The following BTBD9 variants were observed in gnomAD, a reference collection of about 807,000 sequenced individuals.
The protein encoded by BTBD9 is BTB domain containing 9.
Under a neutral mutation model 64.3 loss-of-function variants are expected in BTBD9, and 49 were observed. The observed-to-expected ratio is 0.76, with a 90% confidence interval of 0.61 to 0.97. The LOEUF is 0.97. Among genes scored for constraint, BTBD9 ranks in the 50% least tolerant of loss-of-function variants. BTBD9 has a pLI of 0.00. For missense variants in BTBD9, 598 were observed against 762.1 expected, an observed-to-expected ratio of 0.78 and a Z score of 2.53; for synonymous variants, 260 against 274.7, an observed-to-expected ratio of 0.95 and a Z score of 0.53.
At chr6:38,598,901 G>A (rs1777153925) in intron 1 of BTBD9, among the ~76,000 whole-genome samples, 1 of 152,016 alleles carries the variant, frequency 6.6e-6, no homozygotes. Context: ...TGGGCCACAA[G>A]AGCGAAACTT....
intron 6 of BTBD9, among the ~76,000 whole-genome samples, chr6:38,574,220 T>C (rs928439683): frequency 1.1e-4 from 16 of 152,342 alleles, no homozygotes; most frequent in South Asian, 6.2e-4. Context: ...CTTTGAAGCC[T>C]GATATTATCT....
At chr6:38,417,847 T>C (rs1279137808) in intron 6 of BTBD9, among the ~76,000 whole-genome samples, 1 of 151,068 alleles carries the variant, frequency 6.6e-6, no homozygotes, top group East Asian at 1.9e-4. Flanking sequence ...TAAATAAGTA[T>C]ATGAATATTA....
chr6:38,573,911 G>C (rs1386161351), intron 6 of BTBD9, among the ~76,000 whole-genome samples: 1 of 152,148 alleles, frequency 6.6e-6, no homozygotes, highest in East Asian at 1.9e-4. Context: ...GAGTTTACCA[G>C]ATAACCAAGA....
intron 6 of BTBD9, among the ~76,000 whole-genome samples, chr6:38,540,601 T>C (rs1774227745): frequency 6.6e-6 from 1 of 152,196 alleles, no homozygotes; most frequent in South Asian, 2.1e-4. Context: ...AAAGCCTGGC[T>C]CTGTTCAGAT....
At chr6:38,347,857 C>T (rs548981360) in intron 6 of BTBD9, among the ~76,000 whole-genome samples, 34 of 152,248 alleles carry the variant, frequency 2.2e-4, no homozygotes, top group African/African-American at 8.2e-4. Context: ...ATTAGCCAGG[C>T]TTGGTGGCAC....
intron 9 of BTBD9, among the ~76,000 whole-genome samples, chr6:38,219,926 AG>A (rs1763142387): frequency 1.3e-5 from 2 of 152,264 alleles, no homozygotes; most frequent in Non-Finnish European, 2.9e-5. Context: ...ATGGTATATC[AG>A]TAATATTTCA....
At chr6:38,357,253 C>G (rs368504908) in intron 6 of BTBD9, among the ~76,000 whole-genome samples, 2 of 152,180 alleles carry the variant, frequency 1.3e-5, no homozygotes, top group Non-Finnish European at 2.9e-5. Flanking sequence ...TTCAGAGGTA[C>G]CTGGTGCCTT....
At chr6:38,357,887 T>C (rs1764793368) in intron 6 of BTBD9, among the ~76,000 whole-genome samples, 1 of 152,222 alleles carries the variant, frequency 6.6e-6, no homozygotes, top group African/African-American at 2.4e-5. Flanking sequence ...CTTAGATTAC[T>C]TAGCTATTTT....
At chr6:38,447,303 C>A (rs1196373667) in intron 6 of BTBD9, among the ~76,000 whole-genome samples, 1 of 152,136 alleles carries the variant, frequency 6.6e-6, no homozygotes, top group Non-Finnish European at 1.5e-5. Context: ...CGTTACAATT[C>A]GGCTGTCAAT....
intron 9 of BTBD9, among the ~76,000 whole-genome samples, chr6:38,226,479 A>G (rs1284932621): frequency 6.6e-6 from 1 of 152,230 alleles, no homozygotes; most frequent in African/African-American, 2.4e-5. Flanking sequence ...GCAGCCAGCA[A>G]GATGGCAGAG....
intron 6 of BTBD9, among the ~76,000 whole-genome samples, chr6:38,538,344 G>A (rs1312565602): frequency 6.6e-6 from 1 of 152,168 alleles, no homozygotes; most frequent in African/African-American, 2.4e-5. Flanking sequence ...AGGAACACAT[G>A]CATTGTCAAC....
At chr6:38,548,992 G>A (rs939113076) in intron 6 of BTBD9, among the ~76,000 whole-genome samples, 1 of 152,178 alleles carries the variant, frequency 6.6e-6, no homozygotes, top group Admixed American at 6.5e-5. Flanking sequence ...AGATCTTTTA[G>A]AGGATTTTCA....
At chr6:38,390,136 C>CT (rs1326640413) in intron 6 of BTBD9, among the ~76,000 whole-genome samples, 2 of 152,306 alleles carry the variant, frequency 1.3e-5, no homozygotes, top group East Asian at 3.9e-4. Context: ...ACACAGAAGG[C>CT]TTTCATTCTC....
chr6:38,299,549 C>A (rs1011221988), intron 7 of BTBD9, among the ~76,000 whole-genome samples: 3 of 152,216 alleles, frequency 2.0e-5, no homozygotes, highest in Non-Finnish European at 2.9e-5. Flanking sequence ...GATCGCCATT[C>A]TAACTGGTGT....
chr6:38,196,640 A>G (rs1762281915), intron 9 of BTBD9, among the ~76,000 whole-genome samples: 1 of 152,216 alleles, frequency 6.6e-6, no homozygotes, highest in African/African-American at 2.4e-5. Context: ...TATGGAGGAC[A>G]TGTGCAAGAT....
intron 7 of BTBD9, among the ~76,000 whole-genome samples, chr6:38,310,745 C>G (rs1311639117): frequency 6.6e-6 from 1 of 152,194 alleles, no homozygotes; most frequent in Non-Finnish European, 1.5e-5. Flanking sequence ...TCCATCACCT[C>G]AAGCATTTAT....
At chr6:38,602,537 A>C (rs1777289637) in intron 1 of BTBD9, among the ~76,000 whole-genome samples, 1 of 152,140 alleles carries the variant, frequency 6.6e-6, no homozygotes. Flanking sequence ...CAAATTGTTA[A>C]CCAAGGGTTA....
rs184892708 is a variant in BTBD9 at position 38,637,278 on chromosome 6, G to A, written c.-28+2522C>T. On this transcript the variant is annotated intron_variant, in intron 1 of 10. Transcript: ENST00000481247. ...CTTCTTTGTCTTCCCAGCACCCAAC[G>A]AAGTGTCTCGCCATAGCCAGCACCC... Among the ~76,000 whole-genome samples, 433 of 152,246 alleles carry A rather than the reference G, an allele frequency of 2.8e-3. 5 individuals carry two copies. Among genetic ancestry groups the A allele is most frequent in the African/African-American group, 9.3e-3 (388 of 41,536 alleles).
At chr6:38,228,941 G>A (rs113684023) in intron 9 of BTBD9, among the ~76,000 whole-genome samples, 13,076 of 152,204 alleles carry the variant, frequency 0.086, 1,043 homozygotes, top group East Asian at 0.45. Context: ...GCTTACGCCT[G>A]TAATCCCAGC....
Sources: gnomAD v4.1 joint callset for allele counts (sites outside exome capture counted in the v4.1 genomes callset) on GRCh38, gnomAD v4.1.1 for gene constraint, MANE v1.5 for transcripts, NCBI Gene and HGNC (gene_info 2026-07-23, HGNC 2026-07-21) for gene names.